Variants in TUBGCP3 observed in about 807,000 individuals in gnomAD.
The protein encoded by TUBGCP3 is tubulin gamma complex component 3, also known as gamma-tubulin complex component 3.
In TUBGCP3, 50 loss-of-function variants were observed where a neutral mutation model predicts 123.1. That is an observed-to-expected ratio of 0.41 (90% CI 0.32 to 0.51). The LOEUF (loss-of-function observed/expected upper bound fraction) is 0.51, where lower values mean the gene tolerates loss of function less well. Among genes scored for constraint, TUBGCP3 ranks in the 20% least tolerant of loss-of-function variants. The probability of loss-of-function intolerance (pLI) is 0.36; values close to 1 mark genes in which losing one functional copy is unlikely to be tolerated. For missense variants in TUBGCP3, 882 were observed against 1,127.0 expected (o/e 0.78, Z 3.11); for synonymous variants, 405 against 413.9 (o/e 0.98, Z 0.26).
intron 1 of TUBGCP3, among the ~76,000 whole-genome samples, chr13:112,571,178 T>C (rs1036985614): frequency 2.6e-5 from 4 of 152,250 alleles, no homozygotes; most frequent in African/African-American, 9.6e-5. Context: ...TCTAGAATGA[T>C]GAATCCTTTC....
intron 11 of TUBGCP3, 21 bp from the exon 12 acceptor site, chr13:112,527,505 A>T (rs1336172644): frequency 7.7e-6 from 12 of 1,552,894 alleles, no homozygotes; most frequent in Non-Finnish European, 9.8e-6. Context: ...AGGGGCATGG[A>T]AATGTTCAAG....
intron 3 of TUBGCP3, among the ~76,000 whole-genome samples, chr13:112,562,025 G>A (rs952533326): frequency 1.3e-5 from 2 of 152,162 alleles, no homozygotes; most frequent in African/African-American, 2.4e-5. Flanking sequence ...AACCACAGGA[G>A]ACAGTGAGGC....
At position 112,508,454 on chromosome 13, in the gene TUBGCP3, T is replaced by A. The variant is rs1370457939; in HGVS notation, c.2087-3740A>T. On this transcript the variant is annotated intron_variant, in intron 17 of 21. Transcript: ENST00000261965. The surrounding 1 kb of genome is among the most constrained non-coding windows in gnomAD (Gnocchi z 4.2). ...AAGGGGCCTGTTAGTTGAAAAGGTA[T>A]CGTGCACCACGACAGACAGGTCTAC... Among the ~76,000 whole-genome samples the A allele has an allele frequency of 6.6e-6, 1 of 152,144 alleles. No individual in the cohort carries two copies. Among genetic ancestry groups the A allele is most frequent in the East Asian group, 1.9e-4 (1 of 5,178 alleles).
upstream of TUBGCP3, among the ~76,000 whole-genome samples, chr13:112,591,146 G>A (rs1357098403): frequency 6.6e-6 from 1 of 152,186 alleles, no homozygotes; most frequent in East Asian, 1.9e-4. Context: ...TCTCCACCAA[G>A]GAGGAAGGAA....
the TUBGCP3 span, among the ~76,000 whole-genome samples, chr13:112,600,161 C>T: frequency 6.6e-6 from 1 of 152,206 alleles, no homozygotes; most frequent in Non-Finnish European, 1.5e-5. Context: ...AAGACGGCTG[C>T]AAATCATCCC....
chr13:112,531,368 T>C (rs1594153301), intron 11 of TUBGCP3, among the ~76,000 whole-genome samples: 1 of 152,242 alleles, frequency 6.6e-6, no homozygotes, highest in Admixed American at 6.5e-5. Context: ...TAAACAGCAG[T>C]ACTATCACGG....
At chr13:112,543,670 C>T (rs774824100) in intron 11 of TUBGCP3, among the ~76,000 whole-genome samples, 4 of 152,052 alleles carry the variant, frequency 2.6e-5, no homozygotes, top group African/African-American at 4.8e-5. Flanking sequence ...TATGATAAAA[C>T]GTAGTAAAAC....
At chr13:112,582,411 G>A (rs1320529550) in intron 1 of TUBGCP3, among the ~76,000 whole-genome samples, 1 of 152,194 alleles carries the variant, frequency 6.6e-6, no homozygotes, top group Non-Finnish European at 1.5e-5. Context: ...AAGAAAATGA[G>A]GGCACTATGA....
At chr13:112,577,182 G>C (rs1389366996) in intron 1 of TUBGCP3, among the ~76,000 whole-genome samples, 1 of 152,140 alleles carries the variant, frequency 6.6e-6, no homozygotes, top group Non-Finnish European at 1.5e-5. Context: ...TATCATAAGT[G>C]TGGGCTGGGC....
At chr13:112,570,832 A>C (rs1416204185) in intron 1 of TUBGCP3, among the ~76,000 whole-genome samples, 2 of 152,202 alleles carry the variant, frequency 1.3e-5, no homozygotes, top group Non-Finnish European at 2.9e-5. Flanking sequence ...TTATCAACTA[A>C]GTTTATGTAA....
chr13:112,588,009 G>A lies in TUBGCP3; in HGVS notation c.-29C>T, dbSNP rs752665087. The A allele has an allele frequency of 1.0e-5, 15 of 1,432,756 alleles. No individual in the cohort carries two copies. The highest frequency in any genetic ancestry group is 2.8e-5 in the Admixed American group (1 of 35,580). 88.8% of individuals were successfully genotyped at this position (1,432,756 alleles called of 1,614,324 possible). A position where few individuals can be genotyped will look rare whatever the true frequency, so the allele number is the denominator to read the frequency against. On this transcript the variant is annotated 5_prime_UTR_variant, in exon 1 of 22. Transcript: ENST00000261965. ...CGCCCGGAGCCGTGCACGGTGGTCC[G>A]GGCAGAGCCGCCACTGCCGCCGCAC...
At chr13:112,538,139 T>C (rs1878221109) in intron 11 of TUBGCP3, among the ~76,000 whole-genome samples, 1 of 152,216 alleles carries the variant, frequency 6.6e-6, no homozygotes, top group Non-Finnish European at 1.5e-5. Context: ...AGTTTGGTTA[T>C]ATAGGTTGAG....
At chr13:112,499,589 A>AT (rs551166210) in intron 19 of TUBGCP3, among the ~76,000 whole-genome samples, 52 of 148,246 alleles carry the variant, frequency 3.5e-4, no homozygotes, top group East Asian at 1.8e-3. Flanking sequence ...AAGCATCTCC[A>AT]TTTTTTTTTT....
chr13:112,514,889 A>G (rs1223952714), intron 17 of TUBGCP3, among the ~76,000 whole-genome samples: 1 of 152,240 alleles, frequency 6.6e-6, no homozygotes, highest in African/African-American at 2.4e-5. Context: ...GGAAAAAACT[A>G]CATGTCCAGG....
chr13:112,601,629 T>C, the TUBGCP3 span, among the ~76,000 whole-genome samples: 3 of 152,156 alleles, frequency 2.0e-5, no homozygotes, highest in Admixed American at 6.5e-5. Context: ...TGGAGTCAGG[T>C]TGAAGGTAGC....
chr13:112,554,402 C>T (rs1879851765), intron 7 of TUBGCP3, among the ~76,000 whole-genome samples: 2 of 152,198 alleles, frequency 1.3e-5, no homozygotes, highest in Admixed American at 1.3e-4. Flanking sequence ...TCACACCACC[C>T]TGCAGTTGGC....
intron 20 of TUBGCP3, among the ~76,000 whole-genome samples, chr13:112,495,814 A>C (rs1203143789): frequency 1.3e-5 from 2 of 152,216 alleles, no homozygotes; most frequent in African/African-American, 4.8e-5. Context: ...TAAAAGCCAA[A>C]ATGAAACCAC....
At chr13:112,494,149 G>C (rs767327515) in intron 20 of TUBGCP3, among the ~76,000 whole-genome samples, 395 of 73,810 alleles carry the variant, frequency 5.4e-3, no homozygotes, top group Middle Eastern at 0.027. Context: ...GACGCTCTAG[G>C]TATGGGAACG....
chr13:112,585,662 C>T (rs1289105439), intron 1 of TUBGCP3, among the ~76,000 whole-genome samples: 1 of 152,102 alleles, frequency 6.6e-6, no homozygotes, highest in Non-Finnish European at 1.5e-5. Context: ...ATCCCAACTA[C>T]TTGGGGGGCT....
Sources: gnomAD v4.1 joint callset for allele counts (sites outside exome capture counted in the v4.1 genomes callset) on GRCh38, gnomAD v4.1.1 for gene constraint, Gnocchi (gnomAD v3.1) non-coding constraint, MANE v1.5 for transcripts, NCBI Gene and HGNC (gene_info 2026-07-23, HGNC 2026-07-21) for gene names.